Variants in EIF4G3 observed in about 807,000 individuals in gnomAD.
EIF4G3 encodes the protein eIF-4-gamma 3.
Under a neutral mutation model 186.4 loss-of-function variants are expected in EIF4G3, and 34 were observed. The observed-to-expected ratio is 0.18, with a 90% CI of 0.14 to 0.24. The LOEUF (loss-of-function observed/expected upper bound fraction) is 0.24, where lower values mean the gene tolerates loss of function less well. Ranked by LOEUF, EIF4G3 falls within the 10% of genes least tolerant of loss-of-function variation. The pLI, the probability that EIF4G3 is intolerant of heterozygous loss-of-function variation, is 1.00. For synonymous variants in EIF4G3, 673 were observed against 679.5 expected (o/e 0.99, Z 0.15); for missense variants, 1,536 against 1,948.5 (o/e 0.79, Z 3.99).
rs112896487 is a variant in EIF4G3, at chr1:20,829,054, G to T, written c.4187+93C>A. On this transcript the variant is annotated intron_variant, in intron 31 of 36. Coordinates refer to ENST00000602326, the MANE Select transcript of EIF4G3 (RefSeq NM_001391906.1). ...AGCCTGCATTCATGAGTCTCCAAAG[G>T]CGATAATGGGACAGTACTATGATAG... 4.4e-6 allele frequency: 6 copies of T among 1,376,590 alleles called. No homozygotes were observed. In the African/African-American group the frequency reaches 5.8e-5, roughly 13 times the overall value. The allele number at this position is 1,376,590 out of a possible 1,614,324, so 85.3% of individuals were successfully genotyped here. A position where few individuals can be genotyped will look rare whatever the true frequency, so the allele number is the denominator to read the frequency against.
At chr1:21,105,150 C>T (rs2096592799) in intron 2 of EIF4G3, among the ~76,000 whole-genome samples, 2 of 152,152 alleles carry the variant, frequency 1.3e-5, no homozygotes, top group African/African-American at 2.4e-5. Flanking sequence ...AGGTCAGGTG[C>T]GTTGGCTCAC....
intron 19 of EIF4G3, 64 bp downstream of exon 19, chr1:20,886,137 A>C: frequency 6.6e-7 from 1 of 1,520,284 alleles, no homozygotes; most frequent in Non-Finnish European, 8.9e-7. Flanking sequence ...TTAGCAAAGC[A>C]AAATAAGTTA....
At chr1:21,141,005 G>A (rs2097327858) in intron 2 of EIF4G3, among the ~76,000 whole-genome samples, 1 of 152,040 alleles carries the variant, frequency 6.6e-6, no homozygotes, top group South Asian at 2.1e-4. Flanking sequence ...TTTTAAATGA[G>A]AAAATTATAT....
intron 2 of EIF4G3, among the ~76,000 whole-genome samples, chr1:21,168,719 C>T (rs1001529587): frequency 6.6e-6 from 1 of 151,892 alleles, no homozygotes; most frequent in African/African-American, 2.4e-5. Flanking sequence ...AACCACCACA[C>T]CTGGCCAAAA....
At chr1:21,049,570 T>C (rs570716645) in intron 4 of EIF4G3, among the ~76,000 whole-genome samples, 18 of 152,316 alleles carry the variant, frequency 1.2e-4, no homozygotes, top group South Asian at 8.3e-4. Flanking sequence ...TTGACAAACT[T>C]ATATTCATTA....
At chr1:20,993,631 T>C (rs79383541) in intron 7 of EIF4G3, among the ~76,000 whole-genome samples, 4,453 of 152,180 alleles carry the variant, frequency 0.029, 145 homozygotes, top group East Asian at 0.14. Context: ...AAAAAATAAA[T>C]TGAGATCAAA....
chr1:20,943,972 T>TGTGTGTGTG lies in EIF4G3; in HGVS notation c.824-1643_824-1642insCACACACAC, dbSNP rs1558363073. 4.2e-3 allele frequency among the ~76,000 whole-genome samples: 189 copies of TGTGTGTGTG among 44,840 alleles called. 28 individuals carry two copies. The highest frequency in any genetic ancestry group is 6.1e-3 in the East Asian group (13 of 2,144). 29.4% of individuals were successfully genotyped at this position (44,840 alleles called of 152,430 possible). A position where few individuals can be genotyped will look rare whatever the true frequency, so the allele number is the denominator to read the frequency against. On this transcript the variant is annotated intron_variant, in intron 13 of 36. Transcript: ENST00000602326. ...TTTCAGGAAAACTTGTCTTTATTTT[T>TGTGTGTGTG]TTTGTGTGTGTGTGTGTGTGTGTGT...
chr1:20,821,482 C>A (rs146040474), intron 33 of EIF4G3, among the ~76,000 whole-genome samples: 87 of 152,310 alleles, frequency 5.7e-4, no homozygotes, highest in Admixed American at 1.2e-3. Flanking sequence ...AAACAGTTGG[C>A]TCTAACAGAT....
chr1:20,958,651 T>C (rs2096495488), intron 12 of EIF4G3, among the ~76,000 whole-genome samples: 1 of 152,114 alleles, frequency 6.6e-6, no homozygotes, highest in Admixed American at 6.5e-5. Context: ...TAGAAAACCC[T>C]AGAGACTCCT....
At chr1:21,056,102 T>C (rs2094551122) in intron 3 of EIF4G3, among the ~76,000 whole-genome samples, 1 of 152,156 alleles carries the variant, frequency 6.6e-6, no homozygotes, top group Admixed American at 6.5e-5. Context: ...GAAACACCAA[T>C]GAAAAACAAC....
At chr1:21,060,782 GAAAAAAAAAAAA>G (rs34598369) in intron 3 of EIF4G3, among the ~76,000 whole-genome samples, 49,639 of 118,578 alleles carry the variant, frequency 0.42, 9,144 homozygotes, top group Non-Finnish European at 0.47. Context: ...TGTCTCTTAA[GAAAAAAAAAAAA>G]AAAAAAAAAA....
intron 19 of EIF4G3, among the ~76,000 whole-genome samples, chr1:20,880,628 G>A (rs1458744047): frequency 6.6e-6 from 1 of 152,160 alleles, no homozygotes; most frequent in Non-Finnish European, 1.5e-5. Flanking sequence ...GTGCATGCCT[G>A]TAATCCCAGC....
chr1:20,837,035 T>A (rs1007137256), intron 30 of EIF4G3, among the ~76,000 whole-genome samples: 1 of 152,210 alleles, frequency 6.6e-6, no homozygotes, highest in Non-Finnish European at 1.5e-5. Flanking sequence ...TGCTCACAGT[T>A]GATATAACAT....
At chr1:20,994,128 T>G (rs900505640) in intron 7 of EIF4G3, among the ~76,000 whole-genome samples, 2 of 152,202 alleles carry the variant, frequency 1.3e-5, no homozygotes, top group African/African-American at 2.4e-5. Context: ...CTACTGGCAT[T>G]TAAAGCCCAA....
At chr1:21,009,001 ATCTC>A (rs1462452242) in intron 4 of EIF4G3, among the ~76,000 whole-genome samples, 1 of 152,232 alleles carries the variant, frequency 6.6e-6, no homozygotes, top group East Asian at 1.9e-4. Context: ...ATGCAAATCT[ATCTC>A]TATCATCTTA....
chr1:20,938,626 G>GTA (rs1187695934), intron 14 of EIF4G3, among the ~76,000 whole-genome samples: 2 of 152,114 alleles, frequency 1.3e-5, no homozygotes, highest in Non-Finnish European at 2.9e-5. Flanking sequence ...AGTAAACAAG[G>GTA]TATAATAAGT....
Position 20,829,229 on chromosome 1 carries a change from T to C in EIF4G3, c.4105A>G (p.Ile1369Val), listed in dbSNP as rs968258069. The change falls in exon 31 of 37, where the codon ATT (isoleucine) becomes GTT (valine). Residue 1369 changes from isoleucine to valine, a missense_variant. Physicochemically the swap from Ile to Val is conservative, Grantham distance 29. This residue lies in a region of EIF4G3 where 395 missense variants were observed against 498.9 expected (regional missense o/e 0.79). Transcript: ENST00000602326. ...GCAAGGTACAACCAAATATGGGGAA[T>C]ATCAATGGCCATGTCATCTGCCAAT... The part of the protein sequence containing the change: ...LELADDMAID[I>V]PHIWLYLAEL... 6.2e-7 allele frequency: 1 copy of C among 1,613,930 alleles called. No homozygotes were observed. The highest frequency in any genetic ancestry group is 1.7e-5 in the Admixed American group (1 of 59,994).
In EIF4G3 at chr1:20,817,384, CTT is replaced by C. The variant is rs1557761754; in HGVS notation, c.4515+6_4515+7del. The stretch of plus-strand genomic sequence containing the variant: ...GAGGTATCAGGGAAGGTGACATAGT[CTT>C]TATACCTCTACCCAGTCAAAGATCT... On this transcript the variant is annotated splice_donor_region_variant and intron_variant, in intron 34 of 36. Coordinates refer to ENST00000602326, the MANE Select transcript of EIF4G3 (RefSeq NM_001391906.1). 1.3e-6 allele frequency: 2 copies of C among 1,566,910 alleles called. No homozygotes were observed. The highest frequency in any genetic ancestry group is 4.6e-5 in the East Asian group (2 of 43,512).
At chr1:21,037,198 C>T (rs567171312) in intron 4 of EIF4G3, among the ~76,000 whole-genome samples, 8 of 146,036 alleles carry the variant, frequency 5.5e-5, no homozygotes, top group Non-Finnish European at 1.0e-4. Context: ...TAAACTTTTA[C>T]TGAACTGTAC....
Sources: gnomAD v4.1 joint callset for allele counts (sites outside exome capture counted in the v4.1 genomes callset) on GRCh38, gnomAD v4.1.1 for gene constraint, gnomAD v4.1.1 regional missense constraint, MANE v1.5 for transcripts, NCBI Gene and HGNC (gene_info 2026-07-23, HGNC 2026-07-21) for gene names.